Variants in TFAP2D observed in about 807,000 individuals in gnomAD.
TFAP2D encodes the protein transcription factor AP-2 delta, also known as transcription factor AP-2-delta.
A neutral mutation model predicts 43.6 loss-of-function variants in TFAP2D; 9 were observed. The observed-to-expected ratio is 0.21, with a 90% CI of 0.12 to 0.36. The LOEUF is 0.36. TFAP2D is among the 10% of genes least tolerant of loss of function. TFAP2D has a pLI of 1.00. For missense variants in TFAP2D, 513 were observed against 561.4 expected (o/e 0.91, Z 0.87); for synonymous variants, 256 against 224.9 (o/e 1.14, Z -1.24).
intron 6 of TFAP2D, 43 bp from the exon 7 acceptor site, chr6:50,751,168 C>T (rs1581773067): frequency 7.4e-7 from 1 of 1,357,136 alleles, no homozygotes; most frequent in African/African-American, 1.5e-5. Context: ...AATTAAAGCT[C>T]AATTTGAAAA....
rs568489649 is a variant in TFAP2D at position 50,726,793 on chromosome 6, A to T, written c.599-2063A>T. On this transcript the variant is annotated intron_variant, in intron 3 of 7. Transcript: ENST00000008391. ...CTAAGTACAGAGTGAAACCGATAAC[A>T]AAAGTGAAATGGTAGTCTTAGGTCC... Among the ~76,000 whole-genome samples the T allele has an allele frequency of 3.3e-5, 5 of 152,322 alleles. No homozygotes were observed. The East Asian group carries it at 9.7e-4, about 29-fold the overall frequency.
At chr6:50,730,974 G>C (rs1768885172) in intron 5 of TFAP2D, among the ~76,000 whole-genome samples, 1 of 152,080 alleles carries the variant, frequency 6.6e-6, no homozygotes, top group South Asian at 2.1e-4. Context: ...GTCTATGAAA[G>C]TACTGGTCAG....
chr6:50,744,846 T>A (rs1710857490), intron 5 of TFAP2D, among the ~76,000 whole-genome samples: 2 of 152,250 alleles, frequency 1.3e-5, no homozygotes, highest in African/African-American at 4.8e-5. Flanking sequence ...TCAACACTTC[T>A]GGATTGTGTT....
At chr6:50,760,768 G>T (rs1769351583) in intron 7 of TFAP2D, among the ~76,000 whole-genome samples, 1 of 151,950 alleles carries the variant, frequency 6.6e-6, no homozygotes, top group South Asian at 2.1e-4. Context: ...CATGGTAAGG[G>T]TCTCTCTCCA....
intron 3 of TFAP2D, among the ~76,000 whole-genome samples, chr6:50,725,545 T>C (rs1394524328): frequency 1.3e-5 from 2 of 152,232 alleles, no homozygotes; most frequent in Non-Finnish European, 2.9e-5. Context: ...GAATCTAGAA[T>C]GATTATCACA....
At chr6:50,726,803 T>A (rs923449571) in intron 3 of TFAP2D, among the ~76,000 whole-genome samples, 8 of 152,128 alleles carry the variant, frequency 5.3e-5, no homozygotes, top group Admixed American at 5.2e-4. Flanking sequence ...AAAAGTGAAA[T>A]GGTAGTCTTA....
chr6:50,746,569 G>A (rs2294471), intron 6 of TFAP2D, among the ~76,000 whole-genome samples: 38,504 of 152,018 alleles, frequency 0.25, 5,461 homozygotes, highest in East Asian at 0.43. Context: ...AAAATCTAGG[G>A]CAGAGAGTAT....
intron 7 of TFAP2D, among the ~76,000 whole-genome samples, chr6:50,757,044 G>A (rs1419212658): frequency 2.0e-5 from 3 of 151,710 alleles, no homozygotes; most frequent in Non-Finnish European, 4.4e-5. Context: ...TATCTTGAAG[G>A]CTCAGTCCAG....
At chr6:50,736,026 G>A (rs572173109) in intron 5 of TFAP2D, among the ~76,000 whole-genome samples, 211 of 152,128 alleles carry the variant, frequency 1.4e-3, no homozygotes, top group African/African-American at 5.0e-3. Context: ...ACCAACAATG[G>A]GCTTTTTTTG....
chr6:50,726,969 G>A (rs1296812340), intron 3 of TFAP2D, among the ~76,000 whole-genome samples: 1 of 152,196 alleles, frequency 6.6e-6, no homozygotes, highest in African/African-American at 2.4e-5. Flanking sequence ...TTGATGTCAA[G>A]AAATGGATTT....
intron 7 of TFAP2D, among the ~76,000 whole-genome samples, chr6:50,766,080 A>C (rs1329354516): frequency 2.6e-5 from 4 of 152,092 alleles, no homozygotes; most frequent in Non-Finnish European, 5.9e-5. Flanking sequence ...ACTTTTTTGC[A>C]TGTGGATACT....
At chr6:50,722,694 G>A (rs1322765985) in intron 3 of TFAP2D, among the ~76,000 whole-genome samples, 2 of 152,032 alleles carry the variant, frequency 1.3e-5, no homozygotes, top group Non-Finnish European at 2.9e-5. Context: ...GGTACAAGTG[G>A]GTAGTGGGCT....
At chr6:50,738,695 C>T (rs980904067) in intron 5 of TFAP2D, among the ~76,000 whole-genome samples, 1 of 152,126 alleles carries the variant, frequency 6.6e-6, no homozygotes, top group Non-Finnish European at 1.5e-5. Flanking sequence ...TATTAAATCA[C>T]CCTTAACAAA....
chr6:50,772,956 C>A lies in TFAP2D; in HGVS notation c.*92C>A. 3 of 1,164,418 alleles carry A rather than the reference C, an allele frequency of 2.6e-6. No homozygotes were observed. Among genetic ancestry groups the A allele is most frequent in the East Asian group, 2.7e-5 (1 of 37,446 alleles). 72.1% of individuals were successfully genotyped at this position (1,164,418 alleles called of 1,614,324 possible). Reference sequence around the variant, plus strand: ...TGAGGGTGACTAATCTTCAGTGGACCAAATCTCTACCCTTCCCCAACCCTC... The same window carrying A: ...TGAGGGTGACTAATCTTCAGTGGACAAAATCTCTACCCTTCCCCAACCCTC... On this transcript the variant is annotated 3_prime_UTR_variant, in exon 8 of 8. Coordinates refer to ENST00000008391, the MANE Select transcript of TFAP2D (RefSeq NM_172238.4).
At chr6:50,744,543 A>C (rs565876262) in intron 5 of TFAP2D, among the ~76,000 whole-genome samples, 1 of 152,292 alleles carries the variant, frequency 6.6e-6, no homozygotes, top group Admixed American at 6.5e-5. Context: ...CTTTGCTGGG[A>C]AGCCATTCGT....
At chr6:50,739,227 C>T (rs139479744) in intron 5 of TFAP2D, among the ~76,000 whole-genome samples, 173 of 152,240 alleles carry the variant, frequency 1.1e-3, no homozygotes, top group African/African-American at 3.9e-3. Flanking sequence ...TCCCCTACCC[C>T]CACCCCACGA....
At chr6:50,762,574 T>A (rs77303563) in intron 7 of TFAP2D, among the ~76,000 whole-genome samples, 3,036 of 152,190 alleles carry the variant, frequency 0.02, 47 homozygotes, top group Middle Eastern at 0.065. Context: ...CTGAGCCAAT[T>A]TGAGGAGATG....
intron 7 of TFAP2D, among the ~76,000 whole-genome samples, chr6:50,771,530 T>C (rs73737652): frequency 0.013 from 2,020 of 152,352 alleles, 49 homozygotes; most frequent in African/African-American, 0.046. Context: ...GATTTCTTCA[T>C]GTGTAGTCTA....
chr6:50,713,987 T>C lies in TFAP2D; in HGVS notation c.-69T>C, dbSNP rs1768571039. On this transcript the variant is annotated 5_prime_UTR_variant, in exon 1 of 8. Coordinates refer to ENST00000008391, the MANE Select transcript of TFAP2D (RefSeq NM_172238.4). ...TAAAAATTGGAAAATACAAGAAGTT[T>C]GGATTTTTTTTTCCCGATTCTTTTT... 1 of 1,600,780 alleles carries C rather than the reference T, an allele frequency of 6.2e-7. No homozygotes were observed. Among genetic ancestry groups the C allele is most frequent in the Non-Finnish European group, 8.5e-7 (1 of 1,172,078 alleles).
Sources: gnomAD v4.1 joint callset for allele counts (sites outside exome capture counted in the v4.1 genomes callset) on GRCh38, gnomAD v4.1.1 for gene constraint, MANE v1.5 for transcripts, NCBI Gene and HGNC (gene_info 2026-07-23, HGNC 2026-07-21) for gene names.